CEP170: variants seen among roughly 807,000 people sequenced by gnomAD.
The protein encoded by CEP170 is centrosomal protein of 170 kDa.
In CEP170, 21 loss-of-function variants were observed where a neutral mutation model predicts 151.9. That is an observed-to-expected ratio of 0.14 (90% confidence interval 0.10 to 0.20). CEP170 has a LOEUF of 0.20. Among genes scored for constraint, CEP170 ranks in the 10% least tolerant of loss-of-function variants. The pLI, the probability that CEP170 is intolerant of heterozygous loss-of-function variation, is 1.00. For missense variants in CEP170, 964 were observed against 1,892.9 expected, an observed-to-expected ratio of 0.51 and a Z score of 9.11; for synonymous variants, 356 against 648.8, an observed-to-expected ratio of 0.55 and a Z score of 6.86.
chr1:243,223,970 T>C (rs1407476222), intron 2 of CEP170, among the ~76,000 whole-genome samples: 1 of 152,144 alleles, frequency 6.6e-6, no homozygotes, highest in Non-Finnish European at 1.5e-5. Context: ...CAGAACATAA[T>C]ACATCTAGTG....
At chr1:243,174,640 A>G (rs1159637828) in intron 10 of CEP170, among the ~76,000 whole-genome samples, 2 of 152,232 alleles carry the variant, frequency 1.3e-5, no homozygotes, top group Non-Finnish European at 2.9e-5. Context: ...TATTCTCTTG[A>G]ACTCCTCAAT....
At chr1:243,200,466 A>G (rs553689532) in intron 6 of CEP170, 52 bp downstream of exon 6, 11 of 1,577,128 alleles carry the variant, frequency 7.0e-6, no homozygotes, top group African/African-American at 6.8e-5. Context: ...CAAAGCATGC[A>G]GTGTCTTCAA....
At chr1:243,132,855 T>C (rs1303061800) in intron 17 of CEP170, among the ~76,000 whole-genome samples, 2 of 152,108 alleles carry the variant, frequency 1.3e-5, no homozygotes, top group Non-Finnish European at 2.9e-5. Context: ...TTTCAGTAGG[T>C]AGGATGAAAA....
chr1:243,197,557 G>C (rs1370154970), intron 7 of CEP170, among the ~76,000 whole-genome samples: 2 of 151,926 alleles, frequency 1.3e-5, no homozygotes. Context: ...AAGGTCTTCC[G>C]GAAGTAACGT....
At chr1:243,157,127 A>C (rs112161592) in intron 13 of CEP170, among the ~76,000 whole-genome samples, 10 of 152,266 alleles carry the variant, frequency 6.6e-5, no homozygotes, top group Non-Finnish European at 1.5e-4. Context: ...CATATGGTGA[A>C]AATAGACAAT....
chr1:243,188,176 T>C (rs2060054757), intron 8 of CEP170, among the ~76,000 whole-genome samples: 1 of 152,214 alleles, frequency 6.6e-6, no homozygotes, highest in African/African-American at 2.4e-5. Context: ...ATGGCTCTAT[T>C]GAAAAGGAAT....
intron 13 of CEP170, among the ~76,000 whole-genome samples, chr1:243,157,857 C>T (rs2057700186): frequency 6.6e-6 from 1 of 152,106 alleles, no homozygotes; most frequent in South Asian, 2.1e-4. Context: ...TTATTCACAC[C>T]CCTATTTACA....
In CEP170 at chr1:243,186,302, A is replaced by G. The variant is rs766082632; in HGVS notation, c.1229T>C (p.Leu410Pro). The G allele has an allele frequency of 3.4e-5, 55 of 1,613,660 alleles. No homozygotes were observed. In the African/African-American group the frequency reaches 6.7e-4, roughly 20 times the overall value. Reference sequence around the variant, plus strand: ...CTTTTCAGTAGCCTGGACCTTCTGTAGCTTTTTGTGTTCTGAATGGTGGCG... The same window carrying G: ...CTTTTCAGTAGCCTGGACCTTCTGTGGCTTTTTGTGTTCTGAATGGTGGCG... ...LRRHHSEHKK[L>P]QKVQATEKHQ... The change falls in exon 9 of 20, where the codon CTA becomes CCA. Residue 410 changes from leucine to proline, a missense_variant. By Grantham distance (98) the Leu-to-Pro change is moderately conservative (BLOSUM62 -3). Transcript: ENST00000366542.
chr1:243,204,403 C>A (rs2061270549), intron 4 of CEP170, among the ~76,000 whole-genome samples: 1 of 152,132 alleles, frequency 6.6e-6, no homozygotes, highest in Non-Finnish European at 1.5e-5. Context: ...CTAACCCAAT[C>A]ATTTTGTGGG....
At chr1:243,195,541 C>T (rs1368421720) in intron 7 of CEP170, among the ~76,000 whole-genome samples, 1 of 151,774 alleles carries the variant, frequency 6.6e-6, no homozygotes, top group African/African-American at 2.4e-5. Context: ...TACTAGGTAG[C>T]AAACACTCTA....
chr1:243,134,432 TA>T (rs1189126390), intron 17 of CEP170, among the ~76,000 whole-genome samples: 1 of 152,160 alleles, frequency 6.6e-6, no homozygotes, highest in African/African-American at 2.4e-5. Flanking sequence ...TGGTAGTCAT[TA>T]AAAACACCTT....
rs759299590 is a variant in CEP170, at chr1:243,166,006, C to T, written c.1954G>A (p.Glu652Lys). ...RRTLPQLPNE[E>K]KSLESHRAKV... is the part of the protein sequence containing the mutation. ...GCTCTGTGGCTCTCAAGAGACTTTT[C>T]TTCATTTGGAAGCTGGGGAAGAGTT... The change falls in exon 13 of 20, where the codon GAA (glutamate) becomes AAA (lysine). Residue 652 changes from glutamate to lysine, a missense_variant. Glu to Lys is a moderately conservative substitution (Grantham distance 56, BLOSUM62 1). Coordinates refer to ENST00000366542, the MANE Select transcript of CEP170 (RefSeq NM_014812.3). The T allele has an allele frequency of 6.2e-7, 1 of 1,613,320 alleles. No individual in the cohort carries two copies. The highest frequency in any genetic ancestry group is 1.7e-5 in the Admixed American group (1 of 59,876).
In CEP170 at chr1:243,185,762, A is replaced by G. The variant is rs749605274; in HGVS notation, c.1566+17T>C. ...CCACACAACAACTAAGATCACACTC[A>G]AATTTCAATTATTTACCTTGTCAAT... On this transcript the variant is annotated intron_variant, in intron 10 of 19. Coordinates refer to ENST00000366542, the MANE Select transcript of CEP170 (RefSeq NM_014812.3). This position sits in a 1 kb window ranked among gnomAD's most constrained non-coding sequence, Gnocchi z 4.9. 6.4e-7 allele frequency: 1 copy of G among 1,568,364 alleles called. No homozygotes were observed. The highest frequency in any genetic ancestry group is 8.6e-7 in the Non-Finnish European group (1 of 1,158,950).
At chr1:243,201,373 G>A (rs1025361744) in intron 4 of CEP170, among the ~76,000 whole-genome samples, 5 of 152,072 alleles carry the variant, frequency 3.3e-5, no homozygotes, top group African/African-American at 4.8e-5. Flanking sequence ...TTGCAATCAA[G>A]GTCGTATTAC....
In CEP170 at chr1:243,164,550, G is replaced by C. The variant is rs1204824818; in HGVS notation, c.3410C>G (p.Pro1137Arg). The C allele has an allele frequency of 3.7e-6, 6 of 1,613,296 alleles. No homozygotes were observed. In the South Asian group the frequency reaches 6.6e-5, roughly 18 times the overall value. ...EVSTTSSTSK[P>R]PTGRRNISRI... Reference sequence around the variant, plus strand: ...AGAGATGTTACGCCTTCCTGTGGGAGGTTTTGATGTAGAACTTGTTGTGGA... The same window carrying C: ...AGAGATGTTACGCCTTCCTGTGGGACGTTTTGATGTAGAACTTGTTGTGGA... The change falls in exon 13 of 20, where the codon CCT (proline) becomes CGT (arginine). Residue 1137 changes from proline (P) to arginine (R), a missense_variant. Transcript: ENST00000366542.
chr1:243,246,225 ACTTT>A (rs2065379908), intron 1 of CEP170, among the ~76,000 whole-genome samples: 1 of 127,602 alleles, frequency 7.8e-6, no homozygotes, highest in Non-Finnish European at 1.6e-5. Context: ...AGTGTTGTTT[ACTTT>A]TTTTTTTTTT....
intron 1 of CEP170, among the ~76,000 whole-genome samples, chr1:243,245,260 T>G (rs1354012205): frequency 6.7e-6 from 1 of 150,320 alleles, no homozygotes; most frequent in Non-Finnish European, 1.5e-5. Flanking sequence ...TAAATAAGGT[T>G]TTTTTTTTTG....
intron 1 of CEP170, among the ~76,000 whole-genome samples, chr1:243,236,959 C>T (rs2149099222): frequency 6.6e-6 from 1 of 152,330 alleles, no homozygotes; most frequent in Middle Eastern, 3.4e-3. Context: ...GGTTTCTGTT[C>T]ATCTTCAATA....
chr1:243,124,923 T>C lies in CEP170; in HGVS notation c.*1526A>G, dbSNP rs546551946. ...AAGAAAAATAGGAGATCCATTATAG[T>C]TTTGTTTTTACATCTCTATAAAGTT... On this transcript the variant is annotated 3_prime_UTR_variant, in exon 20 of 20. Transcript: ENST00000366542. 6.6e-6 allele frequency: 1 copy of C among 152,628 alleles called. No individual in the cohort carries two copies. Among genetic ancestry groups the C allele is most frequent in the East Asian group, 1.9e-4 (1 of 5,180 alleles). 9.5% of individuals were successfully genotyped at this position (152,628 alleles called of 1,614,324 possible).
Sources: allele counts gnomAD v4.1 joint callset (sites outside exome capture counted in the v4.1 genomes callset), GRCh38; gene constraint gnomAD v4.1.1; non-coding constraint Gnocchi (gnomAD v3.1); transcripts MANE v1.5; gene names NCBI Gene and HGNC (gene_info 2026-07-23, HGNC 2026-07-21).